The following LYSMD2 variants were observed in gnomAD, a reference collection of about 807,000 sequenced individuals.
LYSMD2 encodes LysM domain containing 2, also known as lysM and putative peptidoglycan-binding domain-containing protein 2.
Under a neutral mutation model 17.7 loss-of-function variants are expected in LYSMD2, and 6 were observed. The ratio of observed to expected loss-of-function variants is 0.34; its 90% CI spans 0.19 to 0.67. The LOEUF is 0.67. LYSMD2 is among the 30% of genes least tolerant of loss of function. The pLI is 0.69. For missense variants in LYSMD2, 237 were observed against 286.7 expected (o/e 0.83, Z 1.25); for synonymous variants, 102 against 129.8 (o/e 0.79, Z 1.45).
upstream of LYSMD2, among the ~76,000 whole-genome samples, chr15:51,742,073 C>T (rs1012994759): frequency 1.1e-4 from 17 of 151,310 alleles, no homozygotes; most frequent in African/African-American, 3.9e-4. Flanking sequence ...CTCGCTCTGT[C>T]GCCCTGGCTG....
chr15:51,748,627 G>A (rs1402873010), intron 1 of LYSMD2, among the ~76,000 whole-genome samples: 6 of 152,176 alleles, frequency 3.9e-5, no homozygotes, highest in Non-Finnish European at 8.8e-5. Context: ...CAGCACTGGG[G>A]CTGGTTGATG....
At chr15:51,739,344 A>AT, upstream of LYSMD2, among the ~76,000 whole-genome samples, 1 of 152,276 alleles carries the variant, frequency 6.6e-6, no homozygotes, top group African/African-American at 2.4e-5. Context: ...TGGAATAAAA[A>AT]AAAAAATAAA....
chr15:51,748,829 T>C (rs370733706), intron 1 of LYSMD2, among the ~76,000 whole-genome samples: 9 of 152,184 alleles, frequency 5.9e-5, no homozygotes, highest in Non-Finnish European at 1.3e-4. Flanking sequence ...TAAACACCCA[T>C]ATAGGCTTCT....
At chr15:51,724,662 G>T (rs1240288589) in intron 2 of LYSMD2, 128 bp downstream of exon 2, 14 of 561,258 alleles carry the variant, frequency 2.5e-5, no homozygotes, top group Non-Finnish European at 3.9e-5. Context: ...AAGAAAAAAA[G>T]AAAAAAAATC....
chr15:51,734,326 G>A (rs1187842036), intron 1 of LYSMD2, among the ~76,000 whole-genome samples: 1 of 152,140 alleles, frequency 6.6e-6, no homozygotes, highest in Non-Finnish European at 1.5e-5. Flanking sequence ...GCCAATTTGA[G>A]GAACATGGAT....
intron 1 of LYSMD2, among the ~76,000 whole-genome samples, chr15:51,751,107 G>A (rs1595857249): frequency 6.6e-6 from 1 of 152,222 alleles, no homozygotes; most frequent in Admixed American, 6.5e-5. Context: ...CCTCAGTGAA[G>A]CCGCCACTGC....
chr15:51,731,545 A>G (rs540353408), intron 1 of LYSMD2, among the ~76,000 whole-genome samples: 2 of 152,244 alleles, frequency 1.3e-5, no homozygotes, highest in Non-Finnish European at 2.9e-5. Context: ...TAATTGGCAG[A>G]GGAAGAGAAA....
At chr15:51,741,807 C>G (rs977577725), upstream of LYSMD2, among the ~76,000 whole-genome samples, 2 of 152,000 alleles carry the variant, frequency 1.3e-5, no homozygotes, top group African/African-American at 4.8e-5. Context: ...GTAATCCCAG[C>G]CACTTGGGAG....
chr15:51,750,343 C>T (rs1035839396), intron 1 of LYSMD2, among the ~76,000 whole-genome samples: 5 of 152,206 alleles, frequency 3.3e-5, no homozygotes, highest in Admixed American at 6.5e-5. Flanking sequence ...CTCTGCAGCA[C>T]GTTTTTTTGG....
intron 1 of LYSMD2, among the ~76,000 whole-genome samples, chr15:51,746,389 T>C (rs2055667518): frequency 6.6e-6 from 1 of 152,190 alleles, no homozygotes; most frequent in Non-Finnish European, 1.5e-5. Flanking sequence ...ACGTGAAATA[T>C]CCAGAATAAG....
At chr15:51,731,988 G>A (rs2055580196) in intron 1 of LYSMD2, among the ~76,000 whole-genome samples, 1 of 152,170 alleles carries the variant, frequency 6.6e-6, no homozygotes, top group African/African-American at 2.4e-5. Context: ...CCCACCCCAA[G>A]TAGTTTCAGT....
chr15:51,735,115 A>G (rs1222183142), intron 1 of LYSMD2, among the ~76,000 whole-genome samples: 1 of 152,144 alleles, frequency 6.6e-6, no homozygotes, highest in Non-Finnish European at 1.5e-5. Flanking sequence ...CTGAGGCTGC[A>G]GTGAGCCATG....
At chr15:51,743,003 G>A (rs1412836296) in intron 1 of LYSMD2, among the ~76,000 whole-genome samples, 1 of 152,160 alleles carries the variant, frequency 6.6e-6, no homozygotes, top group African/African-American at 2.4e-5. Context: ...TGTCTAACTT[G>A]AGGACTTCTA....
rs2055615236 is a variant in LYSMD2 at position 51,737,192 on chromosome 15, T to TG, written c.273+157dup. Among the ~76,000 whole-genome samples, 1 of 152,062 alleles carries TG rather than the reference T, an allele frequency of 6.6e-6. No individual in the cohort carries two copies. Among genetic ancestry groups the TG allele is most frequent in the South Asian group, 2.1e-4 (1 of 4,832 alleles). ...CCAGCAGCGCGCGCTGAGCGAGCCC[T>TG]GGGAGCCGAGCCGCCCGGGGACGCA... On this transcript the variant is annotated intron_variant, in intron 1 of 2. Transcript: ENST00000267838. The surrounding 1 kb of genome is among the most constrained non-coding windows in gnomAD (Gnocchi z 4.2).
intron 1 of LYSMD2, among the ~76,000 whole-genome samples, chr15:51,747,062 T>A (rs2055671713): frequency 6.8e-6 from 1 of 147,046 alleles, no homozygotes; most frequent in Non-Finnish European, 1.5e-5. Context: ...TAGCCGGGCT[T>A]GGTGGCACAC....
chr15:51,733,513 G>C (rs1190318033), intron 1 of LYSMD2, among the ~76,000 whole-genome samples: 2 of 151,834 alleles, frequency 1.3e-5, no homozygotes, highest in East Asian at 3.9e-4. Context: ...GGGGGACTAG[G>C]GAGAAAGGCT....
At chr15:51,748,834 G>A (rs960146873) in intron 1 of LYSMD2, among the ~76,000 whole-genome samples, 3 of 152,200 alleles carry the variant, frequency 2.0e-5, no homozygotes, top group African/African-American at 7.2e-5. Flanking sequence ...ACCCATATAG[G>A]CTTCTATAAA....
chr15:51,725,255 T>G, intron 1 of LYSMD2, 134 bp from the exon 2 acceptor site: 1 of 579,128 alleles, frequency 1.7e-6, no homozygotes. Flanking sequence ...GACTCTTCAT[T>G]CAGGTTTGGT....
At position 51,750,168 on chromosome 15, in the gene LYSMD2, A is replaced by AT. The variant is rs142882303; in HGVS notation, c.-1+1102dup. Among the ~76,000 whole-genome samples the AT allele has an allele frequency of 3.6e-3, 543 of 152,352 alleles. 3 individuals are homozygous for AT. The highest frequency in any genetic ancestry group is 0.013 in the African/African-American group (525 of 41,578). On this transcript the variant is annotated intron_variant, in intron 1 of 2. Transcript: ENST00000454181. ...TTACTGAACACCCCTATGACCTTGAATAAGTCACATCACCTCTCTGTGCCT... is the reference window on the plus strand; with the variant it reads ...TTACTGAACACCCCTATGACCTTGAATTAAGTCACATCACCTCTCTGTGCCT...
Sources: allele counts gnomAD v4.1 joint callset (sites outside exome capture counted in the v4.1 genomes callset), GRCh38; gene constraint gnomAD v4.1.1; non-coding constraint Gnocchi (gnomAD v3.1); transcripts MANE v1.5; gene names NCBI Gene and HGNC (gene_info 2026-07-23, HGNC 2026-07-21).